The following MEIS3 variants were observed in gnomAD, a reference collection of about 807,000 sequenced individuals.
The protein encoded by MEIS3 is homeobox protein Meis3.
In MEIS3, 38 loss-of-function variants were observed where a neutral mutation model predicts 51.4. The ratio of observed to expected loss-of-function variants is 0.74; its 90% CI spans 0.57 to 0.97. The LOEUF is 0.97. Among genes scored for constraint, MEIS3 ranks in the 50% least tolerant of loss-of-function variants. The pLI is 0.00. For missense variants in MEIS3, 456 were observed against 502.6 expected (o/e 0.91, Z 0.89); for synonymous variants, 198 against 201.8 (o/e 0.98, Z 0.16).
In MEIS3 at chr19:47,419,146, G is replaced by C. The variant is rs1971606386; in HGVS notation, c.-65C>G. 3.3e-6 allele frequency: 4 copies of C among 1,196,822 alleles called. No homozygotes were observed. In the Admixed American group the frequency reaches 1.3e-4, roughly 38 times the overall value. The allele number at this position is 1,196,822 out of a possible 1,614,324, so 74.1% of individuals were successfully genotyped here. ...CTGGCCGCGGGGGAGGGCGCAGCCC[G>C]GGGCCGCAGCCCCTGACGGCCCGCG... On this transcript the variant is annotated 5_prime_UTR_variant, in exon 1 of 13. Coordinates refer to ENST00000558555, the MANE Select transcript of MEIS3 (RefSeq NM_001301059.2).
intron 12 of MEIS3, among the ~76,000 whole-genome samples, chr19:47,405,619 G>C (rs1970778868): frequency 6.8e-6 from 1 of 146,940 alleles, no homozygotes; most frequent in Non-Finnish European, 1.5e-5. Context: ...GGTTGATCTT[G>C]GCTCACTGTA....
rs1310561737 is a variant in MEIS3 at position 47,417,263 on chromosome 19, G to T, written c.100C>A (p.Pro34Thr). 2 of 1,612,520 alleles carry T rather than the reference G, an allele frequency of 1.2e-6. No homozygotes were observed. Among genetic ancestry groups the T allele is most frequent in the South Asian group, 2.2e-5 (2 of 90,798 alleles). ...FPETVPAVPGPYGPHRPPQPL... is the reference protein window; with the variant it reads ...FPETVPAVPGTYGPHRPPQPL... ...TGGGGAGGCCGGTGCGGGCCATAGG[G>T]CCCTGGTACTGCGGGCACTGTCTCT... The change falls in exon 2 of 13, where the codon CCC becomes ACC. Residue 34 changes from proline to threonine, a missense_variant. Coordinates refer to ENST00000558555, the MANE Select transcript of MEIS3 (RefSeq NM_001301059.2).
At chr19:47,404,397 A>G (rs757801264) in intron 12 of MEIS3, among the ~76,000 whole-genome samples, 1 of 151,974 alleles carries the variant, frequency 6.6e-6, no homozygotes, top group Non-Finnish European at 1.5e-5. Context: ...ACCCGCCTCC[A>G]TGCATAAGCC....
chr19:47,412,996 G>A (rs551370295), intron 6 of MEIS3, among the ~76,000 whole-genome samples: 2 of 151,838 alleles, frequency 1.3e-5, no homozygotes, highest in Admixed American at 6.6e-5. Flanking sequence ...GAGCCACTGC[G>A]CCCAGCCATC....
chr19:47,407,839 T>C (rs763728003), intron 8 of MEIS3, among the ~76,000 whole-genome samples: 1 of 152,128 alleles, frequency 6.6e-6, no homozygotes, highest in African/African-American at 2.4e-5. Flanking sequence ...GATGGAGTCT[T>C]GCTCTGTCGC....
chr19:47,415,305 G>A (rs534787031), intron 4 of MEIS3, among the ~76,000 whole-genome samples: 1 of 152,132 alleles, frequency 6.6e-6, no homozygotes. Flanking sequence ...ATGCAGCCCA[G>A]AATTAAGGAA....
upstream of MEIS3, among the ~76,000 whole-genome samples, chr19:47,421,503 C>A (rs543817047): frequency 2.0e-5 from 3 of 152,288 alleles, no homozygotes; most frequent in South Asian, 2.1e-4. Flanking sequence ...CTCTCTCGGG[C>A]CTGCTAGCCT....
intron 4 of MEIS3, among the ~76,000 whole-genome samples, chr19:47,415,574 T>C (rs986897452): frequency 9.3e-6 from 1 of 107,452 alleles, no homozygotes; most frequent in Admixed American, 1.0e-4. Flanking sequence ...TCTCTCTCTC[T>C]TTTTTTTTTT....
intron 6 of MEIS3, among the ~76,000 whole-genome samples, chr19:47,409,862 CA>C (rs555488853): frequency 0.12 from 15,280 of 124,400 alleles, 839 homozygotes; most frequent in African/African-American, 0.19. Flanking sequence ...GACTCCGTGT[CA>C]AAAAAAAAAA....
At chr19:47,413,581 C>A (rs1390515413) in intron 6 of MEIS3, among the ~76,000 whole-genome samples, 1 of 151,912 alleles carries the variant, frequency 6.6e-6, no homozygotes, top group South Asian at 2.1e-4. Context: ...AAGGCTTTGC[C>A]CCTGTACTCT....
chr19:47,421,418 T>C (rs142973777), upstream of MEIS3, among the ~76,000 whole-genome samples: 1,485 of 152,134 alleles, frequency 9.8e-3, 18 homozygotes, highest in Middle Eastern at 0.048. Flanking sequence ...TCCGCAGTGG[T>C]CCCCAGGATC....
At position 47,417,558 on chromosome 19, in the gene MEIS3, A is replaced by G. The variant is rs999199553; in HGVS notation, c.13-208T>C. On this transcript the variant is annotated intron_variant, in intron 1 of 12. Coordinates refer to ENST00000558555, the MANE Select transcript of MEIS3 (RefSeq NM_001301059.2). ...TCGGTGGGGAGTGAGGACCCCGTCCAGGCAGAGATTCCTGACATGTGGGCA... is the reference window on the plus strand; with the variant it reads ...TCGGTGGGGAGTGAGGACCCCGTCCGGGCAGAGATTCCTGACATGTGGGCA... 6 of 712,162 alleles carry G rather than the reference A, an allele frequency of 8.4e-6. No individual in the cohort carries two copies. In the African/African-American group the frequency reaches 8.7e-5, roughly 10 times the overall value. The allele number at this position is 712,162 out of a possible 1,614,324, so 44.1% of individuals were successfully genotyped here. A position where few individuals can be genotyped will look rare whatever the true frequency, so the allele number is the denominator to read the frequency against.
rs980768405 is a variant in MEIS3 at position 47,409,572 on chromosome 19, G to C, written c.598-25C>G. ...TCTAGAAAACAAGAGTTAGAAGTTA[G>C]TGCCAAGGCGGCCGGGCGCAGTGGC... is the stretch of plus-strand genomic sequence containing the variant. On this transcript the variant is annotated intron_variant, in intron 6 of 12. Transcript: ENST00000558555. The C allele has an allele frequency of 6.3e-6, 10 of 1,583,676 alleles. No homozygotes were observed. The Admixed American group carries it at 8.4e-5, about 13-fold the overall frequency.
At chr19:47,405,191 T>TA (rs2122456419) in intron 12 of MEIS3, among the ~76,000 whole-genome samples, 2 of 152,338 alleles carry the variant, frequency 1.3e-5, no homozygotes, top group South Asian at 4.1e-4. Flanking sequence ...TTAAAATTGT[T>TA]AATAGTCTCC....
At chr19:47,409,041 G>A in intron 8 of MEIS3, 58 bp downstream of exon 8, 1 of 1,578,820 alleles carries the variant, frequency 6.3e-7, no homozygotes, top group South Asian at 1.1e-5. Flanking sequence ...CGGTCTCTGT[G>A]GTCCACCCTT....
chr19:47,419,221 C>T lies in MEIS3; in HGVS notation c.-140G>A. On this transcript the variant is annotated 5_prime_UTR_variant, in exon 1 of 13. Transcript: ENST00000558555. ...GAGGCCAGGCGCGCGCCCCCCCACC[C>T]CCGCCGCCGTCAGCGGCAGGCGCCG... 2.0e-6 allele frequency: 1 copy of T among 503,140 alleles called. No homozygotes were observed. 31.2% of individuals were successfully genotyped at this position (503,140 alleles called of 1,614,324 possible).
intron 1 of MEIS3, chr19:47,417,662 C>T (rs1313111111): frequency 4.3e-6 from 3 of 702,614 alleles, no homozygotes; most frequent in Admixed American, 4.0e-5. Flanking sequence ...AAGACAGTGA[C>T]AGAGACAGAG....
chr19:47,403,649 G>A lies in MEIS3; in HGVS notation c.*18-96C>T, dbSNP rs1334690300. 4 of 342,608 alleles carry A rather than the reference G, an allele frequency of 1.2e-5. No individual in the cohort carries two copies. The East Asian group carries it at 3.6e-4, about 30-fold the overall frequency. The allele number at this position is 342,608 out of a possible 1,614,324, so 21.2% of individuals were successfully genotyped here. ...CAGGCCTCATCAGCCCCAATGTGAG[G>A]GGGACACAGAGAGAGTGGCTGGCGG... On this transcript the variant is annotated intron_variant, in intron 12 of 12. Coordinates refer to ENST00000558555, the MANE Select transcript of MEIS3 (RefSeq NM_001301059.2).
intron 6 of MEIS3, among the ~76,000 whole-genome samples, chr19:47,409,923 G>A (rs574636496): frequency 1.1e-3 from 166 of 151,926 alleles, no homozygotes; most frequent in Middle Eastern, 6.8e-3. Context: ...TAGGACTCCT[G>A]GATGGGAAGC....
Sources: allele counts gnomAD v4.1 joint callset (sites outside exome capture counted in the v4.1 genomes callset), GRCh38; gene constraint gnomAD v4.1.1; transcripts MANE v1.5; gene names NCBI Gene and HGNC (gene_info 2026-07-23, HGNC 2026-07-21).